The following FBXL7 variants were observed in gnomAD, a reference collection of about 807,000 sequenced individuals.
FBXL7 encodes the protein F-box and leucine rich repeat protein 7.
In FBXL7, 12 loss-of-function variants were observed where a neutral mutation model predicts 38.3. The observed-to-expected ratio is 0.31, with a 90% CI of 0.20 to 0.51. FBXL7 has a LOEUF of 0.51. Among genes scored for constraint, FBXL7 ranks in the 20% least tolerant of loss-of-function variants. The pLI is 0.98. For synonymous variants in FBXL7, 297 were observed against 300.9 expected (o/e 0.99, Z 0.13); for missense variants, 567 against 676.4 (o/e 0.84, Z 1.79).
intron 2 of FBXL7, among the ~76,000 whole-genome samples, chr5:15,806,970 G>T (rs1737728654): frequency 6.6e-6 from 1 of 151,494 alleles, no homozygotes; most frequent in Non-Finnish European, 1.5e-5. Context: ...TTTTTTTTGA[G>T]ACGGAGTTTC....
At chr5:15,637,360 C>A (rs373617706) in intron 2 of FBXL7, among the ~76,000 whole-genome samples, 3 of 152,180 alleles carry the variant, frequency 2.0e-5, no homozygotes, top group East Asian at 3.9e-4. Flanking sequence ...GAGGAAATCA[C>A]AAATGATCTA....
chr5:15,926,228 A>G (rs1326880955), intron 2 of FBXL7, among the ~76,000 whole-genome samples: 1 of 151,348 alleles, frequency 6.6e-6, no homozygotes, highest in East Asian at 1.9e-4. Context: ...GAGAAAATAC[A>G]TTTCTTCCTA....
intron 2 of FBXL7, among the ~76,000 whole-genome samples, chr5:15,794,474 A>T (rs1365934565): frequency 1.3e-5 from 2 of 151,958 alleles, no homozygotes; most frequent in African/African-American, 4.8e-5. Context: ...CCCTAAGTTC[A>T]GAACAACAAA....
At chr5:15,866,371 A>G (rs748106890) in intron 2 of FBXL7, among the ~76,000 whole-genome samples, 123 of 152,330 alleles carry the variant, frequency 8.1e-4, no homozygotes, top group Non-Finnish European at 1.2e-3. Flanking sequence ...TATAATGTGC[A>G]TTATCAGAGA....
intron 1 of FBXL7, among the ~76,000 whole-genome samples, chr5:15,614,870 C>T (rs1296698370): frequency 6.6e-6 from 1 of 152,160 alleles, no homozygotes; most frequent in Non-Finnish European, 1.5e-5. Flanking sequence ...CCTCCAGGCC[C>T]TCTTTTAAAG....
intron 2 of FBXL7, among the ~76,000 whole-genome samples, chr5:15,789,283 C>G (rs1311001229): frequency 2.0e-5 from 3 of 152,044 alleles, no homozygotes; most frequent in Non-Finnish European, 2.9e-5. Flanking sequence ...TATGTCTCAC[C>G]CTCTGCCAGA....
intron 1 of FBXL7, among the ~76,000 whole-genome samples, chr5:15,573,289 T>G (rs1266565406): frequency 6.6e-6 from 1 of 152,172 alleles, no homozygotes; most frequent in Non-Finnish European, 1.5e-5. Context: ...CAGGAGAATG[T>G]AGAGTGTCTA....
At position 15,697,335 on chromosome 5, in the gene FBXL7, G is replaced by C. The variant is rs181611777; in HGVS notation, c.127+81263G>C. ...CACAAAATTTATAATCAAGAGTACA[G>C]TGTGGTGGAAGACAGAGACTCATAT... On this transcript the variant is annotated intron_variant, in intron 2 of 3. Coordinates refer to ENST00000504595, the MANE Select transcript of FBXL7 (RefSeq NM_012304.5). 2.0e-3 allele frequency among the ~76,000 whole-genome samples: 303 copies of C among 152,250 alleles called. 1 individual carries two copies. The highest frequency in any genetic ancestry group is 6.6e-3 in the African/African-American group (273 of 41,558).
chr5:15,758,542 C>T (rs965724979), intron 2 of FBXL7, among the ~76,000 whole-genome samples: 3 of 151,756 alleles, frequency 2.0e-5, no homozygotes, highest in African/African-American at 4.8e-5. Flanking sequence ...AACAAAGGGC[C>T]GGATAGATAT....
intron 2 of FBXL7, among the ~76,000 whole-genome samples, chr5:15,918,028 C>T (rs1314732870): frequency 6.6e-6 from 1 of 152,018 alleles, no homozygotes; most frequent in Non-Finnish European, 1.5e-5. Context: ...CACTTGAGGT[C>T]AGGAGTTCGA....
At chr5:15,810,561 CA>C (rs35254262) in intron 2 of FBXL7, among the ~76,000 whole-genome samples, 289 of 135,648 alleles carry the variant, frequency 2.1e-3, no homozygotes, top group African/African-American at 5.2e-3. Flanking sequence ...AACTCCGTCT[CA>C]AAAAAAAAAA....
chr5:15,675,273 C>A (rs1054877000), intron 2 of FBXL7, among the ~76,000 whole-genome samples: 2 of 152,158 alleles, frequency 1.3e-5, no homozygotes, highest in African/African-American at 4.8e-5. Flanking sequence ...ATACTTGTAT[C>A]CCCTGACTGT....
chr5:15,512,352 T>A (rs1736821417), intron 1 of FBXL7, among the ~76,000 whole-genome samples: 1 of 152,224 alleles, frequency 6.6e-6, no homozygotes, highest in South Asian at 2.1e-4. Context: ...TTTCTTTGTG[T>A]TTATTCATTG....
chr5:15,706,762 T>G (rs1176519413), intron 2 of FBXL7, among the ~76,000 whole-genome samples: 2 of 152,106 alleles, frequency 1.3e-5, no homozygotes, highest in Non-Finnish European at 2.9e-5. Context: ...GTGTCTGATT[T>G]AAATAATGGG....
At chr5:15,559,037 A>G (rs1738334774) in intron 1 of FBXL7, among the ~76,000 whole-genome samples, 1 of 152,220 alleles carries the variant, frequency 6.6e-6, no homozygotes, top group Non-Finnish European at 1.5e-5. Context: ...GTACACAATC[A>G]ATATGAACCA....
Position 15,716,398 on chromosome 5 carries a change from C to G in FBXL7, c.127+100326C>G, listed in dbSNP as rs141123828. Among the ~76,000 whole-genome samples the G allele has an allele frequency of 1.7e-3, 255 of 152,310 alleles. 2 individuals are homozygous for G. The highest frequency in any genetic ancestry group is 5.6e-3 in the African/African-American group (232 of 41,576). On this transcript the variant is annotated intron_variant, in intron 2 of 3. Transcript: ENST00000504595. ...ACTTGCCTGCTTATACCTGGCTTGC[C>G]AAACACAATTCTGCCCTCATCATTT...
At chr5:15,627,158 A>C (rs1175770375) in intron 2 of FBXL7, among the ~76,000 whole-genome samples, 1 of 152,202 alleles carries the variant, frequency 6.6e-6, no homozygotes, top group East Asian at 1.9e-4. Context: ...TTGGCTCCTG[A>C]AGGAATTTGA....
rs572807032 is a variant in FBXL7, at chr5:15,793,057, G to A, written c.128-134833G>A. 1.4e-4 allele frequency among the ~76,000 whole-genome samples: 21 copies of A among 152,270 alleles called. 1 individual carries two copies. In the South Asian group the frequency reaches 4.4e-3, roughly 32 times the overall value. ...TGCGTGTGCAAGCTGCATGCCTCTGGGGACAGGGAAGGGAGGGGAGCTGCA... is the reference window on the plus strand; with the variant it reads ...TGCGTGTGCAAGCTGCATGCCTCTGAGGACAGGGAAGGGAGGGGAGCTGCA... On this transcript the variant is annotated intron_variant, in intron 2 of 3. Coordinates refer to ENST00000504595, the MANE Select transcript of FBXL7 (RefSeq NM_012304.5).
chr5:15,936,386 A>G lies in FBXL7; in HGVS notation c.740-64A>G. The G allele has an allele frequency of 6.4e-7, 1 of 1,556,646 alleles. No individual in the cohort carries two copies. The highest frequency in any genetic ancestry group is 8.7e-7 in the Non-Finnish European group (1 of 1,151,994). Reference sequence around the variant, plus strand: ...GCGAGGGTCAGGAATGCCCCAGGGCATCCCCAGGCGTGGCTCCCCTGCTGG... The same window carrying G: ...GCGAGGGTCAGGAATGCCCCAGGGCGTCCCCAGGCGTGGCTCCCCTGCTGG... On this transcript the variant is annotated intron_variant, in intron 3 of 3. Transcript: ENST00000504595. This position sits in a 1 kb window ranked among gnomAD's most constrained non-coding sequence, Gnocchi z 6.0.
Sources: allele counts gnomAD v4.1 joint callset (sites outside exome capture counted in the v4.1 genomes callset), GRCh38; gene constraint gnomAD v4.1.1; non-coding constraint Gnocchi (gnomAD v3.1); transcripts MANE v1.5; gene names NCBI Gene and HGNC (gene_info 2026-07-23, HGNC 2026-07-21).